The following NUDCD1 variants were observed in gnomAD, a reference collection of about 807,000 sequenced individuals.
NUDCD1 encodes NudC domain containing 1.
In NUDCD1, 60 loss-of-function variants were observed where a neutral mutation model predicts 67.8. The observed-to-expected ratio is 0.88, with a 90% confidence interval of 0.72 to 1.10. The LOEUF is 1.10. Ranked by LOEUF, NUDCD1 falls within the 50% of genes least tolerant of loss-of-function variation. NUDCD1 has a pLI of 0.00. For missense variants in NUDCD1, 643 were observed against 695.0 expected (o/e 0.93, Z 0.84); for synonymous variants, 244 against 230.8 (o/e 1.06, Z -0.52).
At chr8:109,254,153 A>G (rs1406364393) in intron 8 of NUDCD1, among the ~76,000 whole-genome samples, 1 of 152,236 alleles carries the variant, frequency 6.6e-6, no homozygotes, top group Non-Finnish European at 1.5e-5. Flanking sequence ...GAGATGAAGC[A>G]GCCAATAGCT....
intron 8 of NUDCD1, among the ~76,000 whole-genome samples, chr8:109,252,248 G>A (rs987085777): frequency 2.6e-5 from 4 of 152,222 alleles, no homozygotes; most frequent in African/African-American, 9.6e-5. Flanking sequence ...TCAGTTTCAG[G>A]TTTTGAGGTT....
chr8:109,295,228 C>T (rs1178905175), intron 3 of NUDCD1, among the ~76,000 whole-genome samples: 1 of 152,112 alleles, frequency 6.6e-6, no homozygotes, highest in Non-Finnish European at 1.5e-5. Flanking sequence ...GTAGGTTTGT[C>T]CTGTTCAAAA....
chr8:109,322,222 G>T, intron 2 of NUDCD1, 87 bp downstream of exon 2: 7 of 651,310 alleles, frequency 1.1e-5, no homozygotes, highest in South Asian at 1.0e-4. Context: ...CACTTCTCTG[G>T]ATATTAGATT....
At position 109,300,140 on chromosome 8, in the gene NUDCD1, C is replaced by T. The variant is rs543464158; in HGVS notation, c.274-3571G>A. On this transcript the variant is annotated intron_variant, in intron 2 of 9. Transcript: ENST00000239690. ...AGACTTTCCCTCTGATAGAGCCTAC[C>T]CAAATAAGAAGGAATCAGAAAATCA... Among the ~76,000 whole-genome samples, 3 of 152,194 alleles carry T rather than the reference C, an allele frequency of 2.0e-5. No individual in the cohort carries two copies. In the East Asian group the frequency reaches 5.8e-4, roughly 29 times the overall value.
chr8:109,271,511 A>C (rs1000449364), intron 7 of NUDCD1, among the ~76,000 whole-genome samples: 8 of 152,196 alleles, frequency 5.3e-5, no homozygotes, highest in African/African-American at 1.9e-4. Context: ...GAAAAATAGC[A>C]ATAGTGACTA....
intron 1 of NUDCD1, among the ~76,000 whole-genome samples, chr8:109,331,550 C>T (rs1023349430): frequency 6.7e-6 from 1 of 149,462 alleles, no homozygotes; most frequent in African/African-American, 2.5e-5. Flanking sequence ...CTTCAAATGG[C>T]ACCTGATATC....
At chr8:109,286,410 G>A (rs1814575508) in intron 5 of NUDCD1, among the ~76,000 whole-genome samples, 1 of 151,950 alleles carries the variant, frequency 6.6e-6, no homozygotes, top group Non-Finnish European at 1.5e-5. Flanking sequence ...ATACTACAGG[G>A]CTACAGTAAC....
intron 2 of NUDCD1, among the ~76,000 whole-genome samples, chr8:109,298,225 T>C (rs1814888792): frequency 6.6e-6 from 1 of 152,174 alleles, no homozygotes; most frequent in Non-Finnish European, 1.5e-5. Flanking sequence ...CAGCATAGTA[T>C]TAAGTAGCCT....
At chr8:109,288,702 T>C (rs1361443725) in intron 5 of NUDCD1, among the ~76,000 whole-genome samples, 1 of 152,116 alleles carries the variant, frequency 6.6e-6, no homozygotes, top group African/African-American at 2.4e-5. Flanking sequence ...CTTTTATTTC[T>C]TTACTTTCTT....
At chr8:109,250,448 A>G (rs1310728735) in intron 8 of NUDCD1, among the ~76,000 whole-genome samples, 1 of 152,162 alleles carries the variant, frequency 6.6e-6, no homozygotes, top group African/African-American at 2.4e-5. Context: ...TGGTGGTATT[A>G]GAATCTCTTG....
At chr8:109,309,907 G>A (rs923885362) in intron 2 of NUDCD1, among the ~76,000 whole-genome samples, 1 of 151,378 alleles carries the variant, frequency 6.6e-6, no homozygotes, top group Non-Finnish European at 1.5e-5. Flanking sequence ...AACCACTTAG[G>A]AATATACCTA....
chr8:109,331,898 G>A (rs1016646875), intron 1 of NUDCD1, among the ~76,000 whole-genome samples: 2 of 152,162 alleles, frequency 1.3e-5, no homozygotes, highest in Admixed American at 1.3e-4. Context: ...AGGCAAACAA[G>A]GCCCTCACTG....
intron 4 of NUDCD1, among the ~76,000 whole-genome samples, chr8:109,291,575 T>C (rs1190482146): frequency 1.3e-5 from 2 of 150,060 alleles, no homozygotes; most frequent in Non-Finnish European, 2.9e-5. Context: ...CAAAATAGTT[T>C]ACGAAAATAC....
chr8:109,278,212 T>G (rs775945506), intron 6 of NUDCD1, among the ~76,000 whole-genome samples: 1 of 152,216 alleles, frequency 6.6e-6, no homozygotes, highest in Non-Finnish European at 1.5e-5. Context: ...CCTAACTCTA[T>G]TCATTAATCC....
chr8:109,310,898 C>T (rs548695836), intron 2 of NUDCD1, among the ~76,000 whole-genome samples: 1 of 147,138 alleles, frequency 6.8e-6, no homozygotes, highest in African/African-American at 2.5e-5. Context: ...TCACTGAAAC[C>T]TCCGTCTCCC....
At chr8:109,247,210 C>T (rs1813518508) in intron 8 of NUDCD1, among the ~76,000 whole-genome samples, 2 of 152,032 alleles carry the variant, frequency 1.3e-5, no homozygotes, top group African/African-American at 2.4e-5. Flanking sequence ...TGTACTCCAA[C>T]TCTGATACTC....
At chr8:109,331,190 C>G (rs1815796646) in intron 1 of NUDCD1, among the ~76,000 whole-genome samples, 1 of 152,118 alleles carries the variant, frequency 6.6e-6, no homozygotes, top group Admixed American at 6.6e-5. Context: ...CAAAAATTAG[C>G]TGGGCTTGGT....
intron 2 of NUDCD1, among the ~76,000 whole-genome samples, chr8:109,318,211 G>A (rs1297790875): frequency 6.6e-6 from 1 of 152,090 alleles, no homozygotes; most frequent in Non-Finnish European, 1.5e-5. Flanking sequence ...TGTGCCACAA[G>A]ATATCTATGG....
At chr8:109,330,874 CTG>C (rs1270878898) in intron 1 of NUDCD1, among the ~76,000 whole-genome samples, 1 of 152,120 alleles carries the variant, frequency 6.6e-6, no homozygotes, top group African/African-American at 2.4e-5. Flanking sequence ...ACAACACACA[CTG>C]TGGTCTGTCA....
Sources: allele counts gnomAD v4.1 joint callset (sites outside exome capture counted in the v4.1 genomes callset), GRCh38; gene constraint gnomAD v4.1.1; transcripts MANE v1.5; gene names NCBI Gene and HGNC (gene_info 2026-07-23, HGNC 2026-07-21).